Variants in ITGA7 observed in about 807,000 individuals in gnomAD.
ITGA7 encodes integrin alpha-7.
A neutral mutation model predicts 131.6 loss-of-function variants in ITGA7; 84 were observed. That is an observed-to-expected ratio of 0.64 (90% CI 0.54 to 0.77). The LOEUF (loss-of-function observed/expected upper bound fraction) is 0.77. Ranked by LOEUF, ITGA7 falls within the 30% of genes least tolerant of loss-of-function variation. ITGA7 has a pLI of 0.00. For missense variants in ITGA7, 1,399 were observed against 1,482.9 expected, an observed-to-expected ratio of 0.94 and a Z score of 0.93; for synonymous variants, 548 against 600.7, an observed-to-expected ratio of 0.91 and a Z score of 1.28.
Position 55,707,634 on chromosome 12 carries a change from A to G in ITGA7, c.49T>C (p.Tyr17His). The change falls in exon 1 of 25, where the codon TAC (tyrosine) becomes CAC (histidine). Residue 17 changes from tyrosine (Y) to histidine (H), a missense_variant. Tyr to His is a moderately conservative substitution (Grantham distance 83, BLOSUM62 2). Transcript: ENST00000257879. Reference sequence around the variant, plus strand: ...TCGACGAGCAGGGAGCCAAAAAGGTAGCAAATCCCGGAGGCCCCCCAAGGG... The same window carrying G: ...TCGACGAGCAGGGAGCCAAAAAGGTGGCAAATCCCGGAGGCCCCCCAAGGG... ...RDPWGASGIC[Y>H]LFGSLLVELL... The G allele has an allele frequency of 6.2e-7, 1 of 1,606,334 alleles. No individual in the cohort carries two copies. The highest frequency in any genetic ancestry group is 8.5e-7 in the Non-Finnish European group (1 of 1,176,348).
Position 55,694,999 on chromosome 12 carries a change from GT to G in ITGA7, c.2004-30del. On this transcript the variant is annotated intron_variant, in intron 14 of 24. Transcript: ENST00000257879. The surrounding 1 kb of genome is among the most constrained non-coding windows in gnomAD (Gnocchi z 5.3). The stretch of plus-strand genomic sequence containing the variant: ...GAGAGTCAGACCCCACTCCTGCTAA[GT>G]TCTGAACACCTCCCCCTACCATTCC... 1.2e-6 allele frequency: 2 copies of G among 1,604,182 alleles called. No homozygotes were observed. Among genetic ancestry groups the G allele is most frequent in the Non-Finnish European group, 1.7e-6 (2 of 1,175,886 alleles).
chr12:55,686,391 T>G, intron 24 of ITGA7: 86 of 828,238 alleles, frequency 1.0e-4, no homozygotes, highest in Non-Finnish European at 1.3e-4. Context: ...CCCCTATCTC[T>G]GCTCTGTCTT....
At chr12:55,708,047 AC>A, upstream of ITGA7, 6 of 1,112,446 alleles carry the variant, frequency 5.4e-6, no homozygotes, top group East Asian at 7.4e-5. Flanking sequence ...AGCCTTGCTG[AC>A]CCCCCACCAC....
At chr12:55,686,495 G>A (rs1403119968) in intron 24 of ITGA7, among the ~76,000 whole-genome samples, 1 of 152,182 alleles carries the variant, frequency 6.6e-6, no homozygotes, top group Admixed American at 6.5e-5. Context: ...CAGCTTGGAT[G>A]CCACTCCAGA....
At position 55,698,460 on chromosome 12, in the gene ITGA7, C is replaced by T. The variant is rs1397229961; in HGVS notation, c.1115G>A (p.Arg372Gln). The stretch of plus-strand genomic sequence containing the variant: ...CATGGAGTCAGGGGAGCCGCAGAGC[C>T]GGAGAGGGGAGATCCCAGCCCAGTG... ...GGHWAGISPLRLCGSPDSMFG... is the reference protein window; with the variant it reads ...GGHWAGISPLQLCGSPDSMFG... The change falls in exon 7 of 25, where the codon CGG becomes CAG. Residue 372 changes from arginine (R) to glutamine (Q), a missense_variant. Transcript: ENST00000257879. 8.1e-6 allele frequency: 13 copies of T among 1,613,650 alleles called. No homozygotes were observed. Among genetic ancestry groups the T allele is most frequent in the Non-Finnish European group, 1.1e-5 (13 of 1,179,702 alleles).
At chr12:55,701,325 C>A (rs1873970097) in intron 3 of ITGA7, 171 bp from the exon 4 acceptor site, 2 of 1,563,110 alleles carry the variant, frequency 1.3e-6, no homozygotes, top group Non-Finnish European at 1.7e-6. Flanking sequence ...AGCACCATTA[C>A]CCTGCCAGTG....
At chr12:55,711,552 T>A (rs1337051486), upstream of ITGA7, among the ~76,000 whole-genome samples, 1 of 151,800 alleles carries the variant, frequency 6.6e-6, no homozygotes, top group African/African-American at 2.4e-5. Flanking sequence ...ATCCATGGAA[T>A]AGATTATCCA....
At chr12:55,714,918 T>C (rs1325309010), upstream of ITGA7, among the ~76,000 whole-genome samples, 4 of 144,410 alleles carry the variant, frequency 2.8e-5, no homozygotes, top group Non-Finnish European at 6.0e-5. Flanking sequence ...TGGAGTTCAG[T>C]GGCGTGATCT....
chr12:55,701,034 C>T lies in ITGA7; in HGVS notation c.535G>A (p.Gly179Arg), dbSNP rs753309724. Reference sequence around the variant, plus strand: ...CGTCCCTCACAGAACTTCCATTCCCCACCATCCAACTCATCCCGGATGGCC... The same window carrying T: ...CGTCCCTCACAGAACTTCCATTCCCTACCATCCAACTCATCCCGGATGGCC... ...DLAIRDELDG[G>R]EWKFCEGRPQ... The change falls in exon 4 of 25, where the codon GGG becomes AGG. Residue 179 changes from glycine (G) to arginine (R), a missense_variant. Physicochemically the swap from Gly to Arg is moderately radical, Grantham distance 125. Coordinates refer to ENST00000257879, the MANE Select transcript of ITGA7 (RefSeq NM_002206.3). The T allele has an allele frequency of 5.0e-6, 8 of 1,614,120 alleles. No individual in the cohort carries two copies. In the Admixed American group the frequency reaches 1.3e-4, roughly 27 times the overall value.
At position 55,697,679 on chromosome 12, in the gene ITGA7, G is replaced by T; in HGVS notation, c.1409+16C>A. On this transcript the variant is annotated intron_variant, in intron 9 of 24. Coordinates refer to ENST00000257879, the MANE Select transcript of ITGA7 (RefSeq NM_002206.3). ...GCTGACGGCCTCAGGGAGGGAAAAG[G>T]TTGAGAGGGGCTCACCTGAAGAGCA... is the stretch of plus-strand genomic sequence containing the variant. The T allele has an allele frequency of 1.2e-6, 2 of 1,614,148 alleles. No homozygotes were observed. The highest frequency in any genetic ancestry group is 8.5e-7 in the Non-Finnish European group (1 of 1,179,992).
chr12:55,694,500 C>T lies in ITGA7; in HGVS notation c.2300G>A (p.Ser767Asn). 3 of 1,614,174 alleles carry T rather than the reference C, an allele frequency of 1.9e-6. No homozygotes were observed. Among genetic ancestry groups the T allele is most frequent in the Non-Finnish European group, 2.5e-6 (3 of 1,180,018 alleles). ...GAQVTFYLIL[S>N]TSGISIETTE... is the part of the protein sequence containing the mutation. ...GGTCTCAATGCTGATCCCGGAGGTG[C>T]TAAGGATGAGGTAGAAGGTGACCTA... Residue 767 changes from serine to asparagine, a missense_variant, in exon 17 of 25, where the codon AGC becomes AAC. By Grantham distance (46) the Ser-to-Asn change is conservative. Transcript: ENST00000257879. This position sits in a 1 kb window ranked among gnomAD's most constrained non-coding sequence, Gnocchi z 5.3.
rs1871025236 is a variant in ITGA7 at position 55,689,770 on chromosome 12, A to G, written c.2845-813T>C. On this transcript the variant is annotated intron_variant, in intron 21 of 24. Transcript: ENST00000257879. ...TCTACTTTAGTACTAGTACCAAAACAGAGATATAGATCAATGGAACAGAAC... is the reference window on the plus strand; with the variant it reads ...TCTACTTTAGTACTAGTACCAAAACGGAGATATAGATCAATGGAACAGAAC... Among the ~76,000 whole-genome samples, 3 of 152,260 alleles carry G rather than the reference A, an allele frequency of 2.0e-5. No homozygotes were observed. In the South Asian group the frequency reaches 6.2e-4, roughly 31 times the overall value.
chr12:55,686,978 C>T (rs1463436394), intron 24 of ITGA7, among the ~76,000 whole-genome samples: 2 of 152,094 alleles, frequency 1.3e-5, no homozygotes, highest in East Asian at 3.9e-4. Flanking sequence ...CATCCCCTTA[C>T]ATCCTCACCC....
chr12:55,686,372 G>A (rs1870148634), intron 24 of ITGA7: 1 of 1,064,398 alleles, frequency 9.4e-7, no homozygotes, highest in South Asian at 1.3e-5. Flanking sequence ...GATTGAGGAA[G>A]GACAGGATCC....
upstream of ITGA7, among the ~76,000 whole-genome samples, chr12:55,715,476 A>G (rs964336784): frequency 2.6e-5 from 4 of 152,210 alleles, no homozygotes; most frequent in Non-Finnish European, 4.4e-5. Flanking sequence ...TTGGCACAGC[A>G]CTTACGCTTC....
rs934125001 is a variant in ITGA7 at position 55,707,868 on chromosome 12, C to T, written c.-186G>A. On this transcript the variant is annotated 5_prime_UTR_variant, in exon 1 of 25. Transcript: ENST00000257879. Reference sequence around the variant, plus strand: ...CGCCACCCCGCCGCCCCAGCACCGGCTAGGACAACTACAGCAGCCGCAGCT... The same window carrying T: ...CGCCACCCCGCCGCCCCAGCACCGGTTAGGACAACTACAGCAGCCGCAGCT... The T allele has an allele frequency of 1.4e-6, 2 of 1,446,518 alleles. No homozygotes were observed. The highest frequency in any genetic ancestry group is 2.9e-5 in the African/African-American group (2 of 69,282). 89.6% of individuals were successfully genotyped at this position (1,446,518 alleles called of 1,614,324 possible). A position where few individuals can be genotyped will look rare whatever the true frequency, so the allele number is the denominator to read the frequency against.
chr12:55,688,241 G>C lies in ITGA7; in HGVS notation c.3018C>G (p.Ser1006=), dbSNP rs17117883. The C allele has an allele frequency of 0.049, 79,033 of 1,613,858 alleles. 2,174 individuals are homozygous for C. Among genetic ancestry groups the C allele is most frequent in the Middle Eastern group, 0.076 (461 of 6,062 alleles). The part of the protein sequence containing the change: ...VIVRANITVK[S]SIKNLMLRDA... ...CTCGGAGCATCAAGTTCTTTATGGA[G>C]GACTTCACTGTGATGTTGGCCCGGA... Residue 1006 remains serine, a synonymous_variant, in exon 23 of 25, where the codon TCC becomes TCG. Coordinates refer to ENST00000257879, the MANE Select transcript of ITGA7 (RefSeq NM_002206.3).
Position 55,707,843 on chromosome 12 carries a change from C to T in ITGA7, c.-161G>A, listed in dbSNP as rs972935063. 1.4e-6 allele frequency: 2 copies of T among 1,465,824 alleles called. No individual in the cohort carries two copies. Among genetic ancestry groups the T allele is most frequent in the East Asian group, 2.5e-5 (1 of 40,092 alleles). The allele number at this position is 1,465,824 out of a possible 1,614,324, so 90.8% of individuals were successfully genotyped here. ...CAGCCCTCCCGCCCGCCCGCCGCTCCGCCACCCCGCCGCCCCAGCACCGGC... is the reference window on the plus strand; with the variant it reads ...CAGCCCTCCCGCCCGCCCGCCGCTCTGCCACCCCGCCGCCCCAGCACCGGC... On this transcript the variant is annotated 5_prime_UTR_variant, in exon 1 of 25. Coordinates refer to ENST00000257879, the MANE Select transcript of ITGA7 (RefSeq NM_002206.3).
rs765471725 is a variant in ITGA7, at chr12:55,699,897, C to T, written c.763G>A (p.Gly255Arg). Residue 255 changes from glycine to arginine, a missense_variant, in exon 5 of 25, where the codon GGA (glycine) becomes AGA (arginine). By Grantham distance (125) the Gly-to-Arg change is moderately radical. Coordinates refer to ENST00000257879, the MANE Select transcript of ITGA7 (RefSeq NM_002206.3). Reference sequence around the variant, plus strand: ...AAGTAGCTATTGAGGGCCAAGTCTCCGGCTGGTCCTGGGAGCCGGTCAGCA... The same window carrying T: ...AAGTAGCTATTGAGGGCCAAGTCTCTGGCTGGTCCTGGGAGCCGGTCAGCA... ...DPADRLPGPA[G>R]DLALNSYLGF... 8.7e-6 allele frequency: 14 copies of T among 1,611,778 alleles called. No individual in the cohort carries two copies. Among genetic ancestry groups the T allele is most frequent in the Middle Eastern group, 1.6e-4 (1 of 6,078 alleles).
Sources: allele counts gnomAD v4.1 joint callset (sites outside exome capture counted in the v4.1 genomes callset), GRCh38; gene constraint gnomAD v4.1.1; non-coding constraint Gnocchi (gnomAD v3.1); transcripts MANE v1.5; gene names NCBI Gene and HGNC (gene_info 2026-07-23, HGNC 2026-07-21).